Variants in THAP3 observed in about 807,000 individuals in gnomAD.
THAP3 encodes THAP domain containing 3, also known as THAP domain-containing protein 3.
THAP3 carries 12 observed loss-of-function variants against 17.7 expected under a neutral mutation model. The observed-to-expected ratio is 0.68, with a 90% CI of 0.43 to 1.10. The LOEUF (loss-of-function observed/expected upper bound fraction) is 1.10. Among genes scored for constraint, THAP3 ranks in the 50% least tolerant of loss-of-function variants. The pLI is 0.00. For synonymous variants in THAP3, 133 were observed against 126.9 expected, an observed-to-expected ratio of 1.05 and a Z score of -0.32; for missense variants, 289 against 318.0, an observed-to-expected ratio of 0.91 and a Z score of 0.69.
intron 2 of THAP3, among the ~76,000 whole-genome samples, chr1:6,626,817 T>G (rs1281007195): frequency 6.6e-6 from 1 of 152,190 alleles, no homozygotes; most frequent in East Asian, 1.9e-4. Context: ...CTACACTCCA[T>G]CTTGGGCAAC....
chr1:6,628,744 C>T lies in THAP3; in HGVS notation c.267+53C>T, dbSNP rs928981411. 3.9e-6 allele frequency: 6 copies of T among 1,547,598 alleles called. No individual in the cohort carries two copies. In the African/African-American group the frequency reaches 5.5e-5, roughly 14 times the overall value. On this transcript the variant is annotated intron_variant, in intron 3 of 5. Coordinates refer to ENST00000054650, the MANE Select transcript of THAP3 (RefSeq NM_001195753.2). ...GTCACATCCAGCCTGCGTTGTTTAC[C>T]AGCAGCTGGGGGCAGTGGGGGTGGC...
rs531976286 is a variant in THAP3 at position 6,633,317 on chromosome 1, A to T, written c.*240A>T. 3.5e-4 allele frequency: 491 copies of T among 1,393,108 alleles called. No individual in the cohort carries two copies. Among genetic ancestry groups the T allele is most frequent in the Non-Finnish European group, 3.7e-4 (400 of 1,074,390 alleles). The allele number at this position is 1,393,108 out of a possible 1,614,324, so 86.3% of individuals were successfully genotyped here. Reference sequence around the variant, plus strand: ...GTGAGCATGACAAGCTTATCCTCCCATGGTAACAGAAGTCCAGGCTGAGGC... The same window carrying T: ...GTGAGCATGACAAGCTTATCCTCCCTTGGTAACAGAAGTCCAGGCTGAGGC... On this transcript the variant is annotated 3_prime_UTR_variant, in exon 6 of 6. Transcript: ENST00000054650.
chr1:6,631,947 G>A (rs1437558780), intron 4 of THAP3, among the ~76,000 whole-genome samples: 2 of 151,654 alleles, frequency 1.3e-5, no homozygotes, highest in Non-Finnish European at 2.9e-5. Flanking sequence ...CTACTCAGGA[G>A]GCTGAGGCAG....
At chr1:6,627,369 A>G (rs1269717952) in intron 2 of THAP3, among the ~76,000 whole-genome samples, 1 of 152,164 alleles carries the variant, frequency 6.6e-6, no homozygotes, top group Non-Finnish European at 1.5e-5. Flanking sequence ...CATAAAAAAC[A>G]AACTTCTTTT....
chr1:6,633,371 C>G lies in THAP3; in HGVS notation c.*294C>G. The G allele has an allele frequency of 7.8e-7, 1 of 1,282,240 alleles. No homozygotes were observed. Among genetic ancestry groups the G allele is most frequent in the Non-Finnish European group, 9.9e-7 (1 of 1,006,580 alleles). 79.4% of individuals were successfully genotyped at this position (1,282,240 alleles called of 1,614,324 possible). ...TTCTGGACGCTGTCCTTTCAGCACACGCAGAGCAAAGATCGTTGGAAGCCC... is the reference window on the plus strand; with the variant it reads ...TTCTGGACGCTGTCCTTTCAGCACAGGCAGAGCAAAGATCGTTGGAAGCCC... On this transcript the variant is annotated 3_prime_UTR_variant, in exon 6 of 6. Transcript: ENST00000054650.
At chr1:6,625,128 G>T in intron 1 of THAP3, 22 bp from the exon 2 acceptor site, 1 of 1,395,636 alleles carries the variant, frequency 7.2e-7, no homozygotes. Flanking sequence ...CCACCTCCCA[G>T]CGGCCCCGCC....
At chr1:6,634,950 C>G (rs1341480121), downstream of THAP3, 1 of 1,054,438 alleles carries the variant, frequency 9.5e-7, no homozygotes, top group Non-Finnish European at 1.2e-6. Context: ...CTCAAGCCCG[C>G]TGGTGGCAGG....
At chr1:6,635,043 C>T (rs1039262677), downstream of THAP3, 9 of 272,958 alleles carry the variant, frequency 3.3e-5, no homozygotes, top group South Asian at 6.4e-5. Context: ...TGTCCCAAGC[C>T]GAGGGGGCCG....
chr1:6,625,627 G>T lies in THAP3; in HGVS notation c.74+335G>T, dbSNP rs563318614. Among the ~76,000 whole-genome samples, 4 of 152,268 alleles carry T rather than the reference G, an allele frequency of 2.6e-5. No homozygotes were observed. The East Asian group carries it at 7.7e-4, about 29-fold the overall frequency. On this transcript the variant is annotated intron_variant, in intron 2 of 5. Coordinates refer to ENST00000054650, the MANE Select transcript of THAP3 (RefSeq NM_001195753.2). ...CCCGCCGCGCGCGGTCCTGAAGGGA[G>T]CCCGGCACCTGGGCAGTGCAGTGGA...
rs768612952 is a variant in THAP3, at chr1:6,632,817, G to A, written c.460G>A (p.Ala154Thr). 2 of 1,612,854 alleles carry A rather than the reference G, an allele frequency of 1.2e-6. No individual in the cohort carries two copies. The highest frequency in any genetic ancestry group is 1.7e-5 in the Admixed American group (1 of 60,014). ...TCAGGTCTCGCCACGGAGGCCGCAA[G>A]CAACAGAGGCTGTTGGCCGGCCGAC... The part of the protein sequence containing the change: ...VKQVSPRRPQ[A>T]TEAVGRPTGP... The change falls in exon 6 of 6, where the codon GCA becomes ACA. Residue 154 changes from alanine (A) to threonine (T), a missense_variant. Ala to Thr is a moderately conservative substitution (Grantham distance 58, BLOSUM62 0). Coordinates refer to ENST00000054650, the MANE Select transcript of THAP3 (RefSeq NM_001195753.2).
At chr1:6,625,430 A>G (rs1166634166) in intron 2 of THAP3, 138 bp downstream of exon 2, 2 of 611,652 alleles carry the variant, frequency 3.3e-6, no homozygotes, top group Non-Finnish European at 4.4e-6. Context: ...TCCTGGGCCC[A>G]GAGGGGCTGG....
chr1:6,632,165 G>A (rs1280567237), intron 4 of THAP3, among the ~76,000 whole-genome samples: 3 of 151,786 alleles, frequency 2.0e-5, no homozygotes, highest in African/African-American at 4.8e-5. Flanking sequence ...GCAGTGAGCC[G>A]AGATTGCACC....
chr1:6,631,377 C>T (rs928294099), intron 4 of THAP3, among the ~76,000 whole-genome samples: 3 of 152,086 alleles, frequency 2.0e-5, no homozygotes, highest in African/African-American at 7.2e-5. Flanking sequence ...CTTATAATCC[C>T]AGCAGTTTGG....
chr1:6,634,079 TGAGGAGTGAAGGATGGG>T, downstream of THAP3: 1 of 1,613,598 alleles, frequency 6.2e-7, no homozygotes, highest in Middle Eastern at 1.7e-4. Context: ...TGTGGTTGAG[TGAGGAGTGAAGGATGGG>T]GAGGAGGCCT....
At chr1:6,625,327 A>G in intron 2 of THAP3, 35 bp downstream of exon 2, 1 of 1,508,818 alleles carries the variant, frequency 6.6e-7, no homozygotes, top group Non-Finnish European at 8.8e-7. Context: ...CGGGAGGCCC[A>G]GACCCGGGGC....
In THAP3 at chr1:6,624,931, A is replaced by C. The variant is rs1282332830; in HGVS notation, c.-93A>C. The stretch of plus-strand genomic sequence containing the variant: ...TGGGTGCTCAAAGCAAGGAGGTGAA[A>C]GGCGACCAGCATTGGCGAATGGGGT... On this transcript the variant is annotated 5_prime_UTR_variant, in exon 1 of 6. Coordinates refer to ENST00000054650, the MANE Select transcript of THAP3 (RefSeq NM_001195753.2). 2 of 464,884 alleles carry C rather than the reference A, an allele frequency of 4.3e-6. No homozygotes were observed. The highest frequency in any genetic ancestry group is 5.7e-4 in the Middle Eastern group (1 of 1,756). The allele number at this position is 464,884 out of a possible 1,614,324, so 28.8% of individuals were successfully genotyped here.
chr1:6,634,536 CCTGTGCGG>C, downstream of THAP3: 1 of 1,363,696 alleles, frequency 7.3e-7, no homozygotes, highest in Non-Finnish European at 9.8e-7. Context: ...TCAGCCACCA[CCTGTGCGG>C]CGCTTGCTCC....
chr1:6,631,004 C>A (rs944947192), intron 4 of THAP3, among the ~76,000 whole-genome samples: 4 of 151,862 alleles, frequency 2.6e-5, no homozygotes, highest in African/African-American at 7.3e-5. Flanking sequence ...TCACTGCACC[C>A]AACCTTTTTC....
rs187819489 is a variant in THAP3, at chr1:6,632,997, C to T, written c.640C>T (p.Arg214Ter). 41 of 1,612,776 alleles carry T rather than the reference C, an allele frequency of 2.5e-5. No individual in the cohort carries two copies. The highest frequency in any genetic ancestry group is 1.7e-4 in the Middle Eastern group (1 of 6,050). ...CTTGCAGGCCCAGAGGCTGGTGATG[C>T]GAAGGATGTCCAGCCGCCTCCGTGC... is the stretch of plus-strand genomic sequence containing the variant. ...KRLQAQRLVM[R>*]RMSSRLRACK... is the part of the protein sequence containing the mutation. Residue 214 changes from arginine to a stop codon, truncating the protein, a stop_gained, in exon 6 of 6, where the codon CGA becomes TGA. Transcript: ENST00000054650. LOFTEE classifies it low-confidence loss of function (END_TRUNC).
Sources: gnomAD v4.1 joint callset for allele counts (sites outside exome capture counted in the v4.1 genomes callset) on GRCh38, gnomAD v4.1.1 for gene constraint, MANE v1.5 for transcripts, NCBI Gene and HGNC (gene_info 2026-07-23, HGNC 2026-07-21) for gene names.